The following TOP2B variants were observed in gnomAD, a reference collection of about 807,000 sequenced individuals.
The protein encoded by TOP2B is DNA topoisomerase II beta, also known as DNA topoisomerase 2-beta.
Under a neutral mutation model 193.5 loss-of-function variants are expected in TOP2B, and 51 were observed. That is an observed-to-expected ratio of 0.26 (90% CI 0.21 to 0.33). TOP2B has a LOEUF of 0.33. TOP2B is among the 10% of genes least tolerant of loss of function. The pLI, the probability that TOP2B is intolerant of heterozygous loss-of-function variation, is 1.00. For synonymous variants in TOP2B, 634 were observed against 635.7 expected (o/e 1.00, Z 0.04); for missense variants, 1,378 against 1,909.3 (o/e 0.72, Z 5.19).
chr3:25,639,439 C>G (rs1703197401), intron 4 of TOP2B, among the ~76,000 whole-genome samples: 1 of 152,136 alleles, frequency 6.6e-6, no homozygotes, highest in African/African-American at 2.4e-5. Context: ...TCCCAAGTAG[C>G]TGGGATTACA....
In TOP2B at chr3:25,630,280, G is replaced by A. The variant is rs1460108053; in HGVS notation, c.1563+32C>T. On this transcript the variant is annotated intron_variant, in intron 12 of 35. Coordinates refer to ENST00000264331, the MANE Select transcript of TOP2B (RefSeq NM_001330700.2). Reference sequence around the variant, plus strand: ...ATGTCATATGTATGTGTGCATGTGTGTATACACATATATATACACACACAT... The same window carrying A: ...ATGTCATATGTATGTGTGCATGTGTATATACACATATATATACACACACAT... The A allele has an allele frequency of 1.9e-6, 3 of 1,541,240 alleles. No individual in the cohort carries two copies. The African/African-American group carries it at 4.1e-5, about 21-fold the overall frequency.
rs746192893 is a variant in TOP2B at position 25,609,324 on chromosome 3, G to A, written c.3952C>T (p.Pro1318Ser). Residue 1318 changes from proline to serine, a missense_variant, in exon 30 of 36, where the codon CCT (proline) becomes TCT (serine). Physicochemically the swap from Pro to Ser is moderately conservative, Grantham distance 74. Around this residue, in one of 9 missense-constraint regions of TOP2B, gnomAD observed 556 missense variants for 584.2 expected, o/e 0.95. Transcript: ENST00000264331. The stretch of plus-strand genomic sequence containing the variant: ...GCACTAGGTTTACCAGATGATGTAG[G>A]TGTTTTTCTCACTCTGGTACCTAAA... The part of the protein sequence containing the change: ...KEPGTRVRKT[P>S]TSSGKPSAKK... 62 of 1,595,166 alleles carry A rather than the reference G, an allele frequency of 3.9e-5. No individual in the cohort carries two copies. The highest frequency in any genetic ancestry group is 4.9e-5 in the Non-Finnish European group (57 of 1,169,194).
At chr3:25,624,532 G>A in intron 19 of TOP2B, 87 bp from the exon 20 acceptor site, 5 of 1,548,110 alleles carry the variant, frequency 3.2e-6, no homozygotes, top group Non-Finnish European at 4.4e-6. Context: ...TCCAAGTGAA[G>A]AATAAAGGCT....
intron 27 of TOP2B, 129 bp from the exon 28 acceptor site, chr3:25,612,838 A>G (rs1702411075): frequency 1.6e-6 from 1 of 635,550 alleles, no homozygotes; most frequent in Non-Finnish European, 2.6e-6. Context: ...AACTTATCTA[A>G]TTCAAGATTA....
At chr3:25,620,551 G>A in intron 22 of TOP2B, 131 bp downstream of exon 22, 1 of 879,276 alleles carries the variant, frequency 1.1e-6, no homozygotes, top group South Asian at 2.3e-5. Context: ...TTCAACTGAA[G>A]GGTAAAAGAA....
intron 1 of TOP2B, among the ~76,000 whole-genome samples, chr3:25,655,047 T>C (rs1329784063): frequency 6.6e-6 from 1 of 151,924 alleles, no homozygotes; most frequent in Non-Finnish European, 1.5e-5. Flanking sequence ...AAAGCAAAAA[T>C]AGACAAACAG....
At chr3:25,634,778 C>CAA (rs34755793) in intron 7 of TOP2B, among the ~76,000 whole-genome samples, 105 of 26,436 alleles carry the variant, frequency 4.0e-3, no homozygotes, top group East Asian at 8.8e-3. Context: ...TCTCCCTTAC[C>CAA]AAAAAAAAAA....
chr3:25,645,691 A>T (rs975131387), intron 1 of TOP2B, among the ~76,000 whole-genome samples: 1 of 152,282 alleles, frequency 6.6e-6, no homozygotes, highest in East Asian at 1.9e-4. Flanking sequence ...TAGTCACCAG[A>T]ATCACTAGAG....
At chr3:25,651,541 G>T (rs1267865991) in intron 1 of TOP2B, among the ~76,000 whole-genome samples, 2 of 151,808 alleles carry the variant, frequency 1.3e-5, no homozygotes, top group African/African-American at 4.8e-5. Context: ...AATCAAAATG[G>T]CAATAGTGAG....
At chr3:25,649,613 A>G (rs1356651737) in intron 1 of TOP2B, among the ~76,000 whole-genome samples, 1 of 151,772 alleles carries the variant, frequency 6.6e-6, no homozygotes, top group African/African-American at 2.4e-5. Flanking sequence ...CTGAAAGAAA[A>G]AAAAAAAAAA....
intron 28 of TOP2B, 24 bp from the exon 29 acceptor site, chr3:25,609,736 G>A: frequency 7.1e-7 from 1 of 1,413,248 alleles, no homozygotes; most frequent in Non-Finnish European, 9.2e-7. Context: ...AGAAAATCAA[G>A]CCACGAGTAA....
chr3:25,618,128 T>C (rs905019703), intron 25 of TOP2B: 5 of 332,884 alleles, frequency 1.5e-5, no homozygotes, highest in Admixed American at 4.3e-5. Context: ...CAACACCTTT[T>C]AATGGCAGAC....
At chr3:25,622,882 TC>T (rs1490180703) in intron 21 of TOP2B, among the ~76,000 whole-genome samples, 1 of 152,194 alleles carries the variant, frequency 6.6e-6, no homozygotes, top group Non-Finnish European at 1.5e-5. Context: ...CCTCAGGTGA[TC>T]CACCCACCTC....
rs773573184 is a variant in TOP2B at position 25,636,151 on chromosome 3, T to G, written c.640-3A>C. Reference sequence around the variant, plus strand: ...TTCATCATATTATTCATCCATGTCTTTAAAAGAAAAAAATTCAAATATTTC... The same window carrying G: ...TTCATCATATTATTCATCCATGTCTGTAAAAGAAAAAAATTCAAATATTTC... On this transcript the variant is annotated splice_region_variant and splice_polypyrimidine_tract_variant and intron_variant, in intron 6 of 35. Transcript: ENST00000264331. The G allele has an allele frequency of 1.6e-5, 24 of 1,548,082 alleles. No individual in the cohort carries two copies. The highest frequency in any genetic ancestry group is 2.1e-5 in the Non-Finnish European group (24 of 1,143,736).
chr3:25,602,055 G>A (rs1702108245), intron 33 of TOP2B, among the ~76,000 whole-genome samples: 1 of 152,156 alleles, frequency 6.6e-6, no homozygotes, highest in African/African-American at 2.4e-5. Context: ...CTGGAATTTT[G>A]AAAAATAGAC....
chr3:25,609,877 C>T (rs929852543), intron 28 of TOP2B, among the ~76,000 whole-genome samples, 165 bp from the exon 29 acceptor site: 1 of 152,170 alleles, frequency 6.6e-6, no homozygotes, highest in Non-Finnish European at 1.5e-5. Flanking sequence ...TTTTACTTCA[C>T]TTATCTATAG....
At chr3:25,612,740 TAAAC>T (rs2125355492) in intron 27 of TOP2B, 31 bp from the exon 28 acceptor site, 1 of 1,544,468 alleles carries the variant, frequency 6.5e-7, no homozygotes. Flanking sequence ...AGAAGGAACA[TAAAC>T]AACTTCTTAG....
At chr3:25,644,933 C>A (rs951504589) in intron 2 of TOP2B, among the ~76,000 whole-genome samples, 9 of 151,336 alleles carry the variant, frequency 5.9e-5, no homozygotes, top group Non-Finnish European at 1.0e-4. Flanking sequence ...GTAGCTGGGA[C>A]TACAGGCGCC....
chr3:25,658,843 GCAAAA>G (rs372960816), intron 1 of TOP2B, among the ~76,000 whole-genome samples: 34 of 152,158 alleles, frequency 2.2e-4, no homozygotes, highest in Non-Finnish European at 4.1e-4. Flanking sequence ...AGATCATTCT[GCAAAA>G]CAAAACAAAA....
Sources: allele counts gnomAD v4.1 joint callset (sites outside exome capture counted in the v4.1 genomes callset), GRCh38; gene constraint gnomAD v4.1.1; regional missense constraint gnomAD v4.1.1; transcripts MANE v1.5; gene names NCBI Gene and HGNC (gene_info 2026-07-23, HGNC 2026-07-21).